CD5L: variants seen among roughly 807,000 people sequenced by gnomAD.
CD5L encodes CD5 molecule like, also known as CD5 antigen-like.
CD5L carries 39 observed loss-of-function variants against 40.8 expected under a neutral mutation model. The ratio of observed to expected loss-of-function variants is 0.96; its 90% CI spans 0.74 to 1.25. CD5L has a LOEUF of 1.25. Among genes scored for constraint, CD5L ranks in the 50% most tolerant of loss-of-function variants. The pLI, the probability that CD5L is intolerant of heterozygous loss-of-function variation, is 0.00. For missense variants in CD5L, 433 were observed against 435.9 expected (o/e 0.99, Z 0.06); for synonymous variants, 192 against 169.6 (o/e 1.13, Z -1.03).
chr1:157,832,039 C>A, intron 5 of CD5L, 71 bp from the exon 6 acceptor site: 1 of 1,222,336 alleles, frequency 8.2e-7, no homozygotes, highest in East Asian at 2.4e-5. Context: ...TTGAAACTCA[C>A]ATTAGCTAAG....
intron 2 of CD5L, among the ~76,000 whole-genome samples, chr1:157,837,580 A>G (rs144981632): frequency 6.6e-6 from 1 of 152,244 alleles, no homozygotes; most frequent in Non-Finnish European, 1.5e-5. Context: ...TCTATGGCCT[A>G]TTGGAAGATG....
In CD5L at chr1:157,834,308, C is replaced by T. The variant is rs1656130676; in HGVS notation, c.718+99G>A. The T allele has an allele frequency of 3.0e-6, 3 of 986,780 alleles. No individual in the cohort carries two copies. The South Asian group carries it at 5.1e-5, about 17-fold the overall frequency. 61.1% of individuals were successfully genotyped at this position (986,780 alleles called of 1,614,324 possible). A position where few individuals can be genotyped will look rare whatever the true frequency, so the allele number is the denominator to read the frequency against. On this transcript the variant is annotated intron_variant, in intron 4 of 5. Coordinates refer to ENST00000368174, the MANE Select transcript of CD5L (RefSeq NM_005894.3). Reference sequence around the variant, plus strand: ...CCCAGTTAAATAAGTTTGCAATGGTCCTTTGGTGCGTTAGTAGCTCTTTGT... The same window carrying T: ...CCCAGTTAAATAAGTTTGCAATGGTTCTTTGGTGCGTTAGTAGCTCTTTGT...
At chr1:157,835,694 A>G in intron 3 of CD5L, 141 bp downstream of exon 3, 1 of 681,388 alleles carries the variant, frequency 1.5e-6, no homozygotes. Flanking sequence ...CAGCACTGAC[A>G]GTTGGGAAAG....
rs1199729857 is a variant in CD5L, at chr1:157,841,643, A to C, written c.28+31T>G. The C allele has an allele frequency of 9.3e-6, 15 of 1,606,458 alleles. No individual in the cohort carries two copies. The African/African-American group carries it at 1.1e-4, about 11-fold the overall frequency. On this transcript the variant is annotated intron_variant, in intron 1 of 5. Coordinates refer to ENST00000368174, the MANE Select transcript of CD5L (RefSeq NM_005894.3). ...TAATCAAAGTGCCAGAAAACTCTGA[A>C]GCCTAAACCAACAGGTGCAGAGATA...
Position 157,841,800 on chromosome 1 carries a change from G to A in CD5L, c.-99C>T, listed in dbSNP as rs931769347. ...TAGCTGCAAGTATGTTAAGAGGAGG[G>A]ACAAAGACAGGTCCTGAGTGCAGGC... On this transcript the variant is annotated 5_prime_UTR_variant, in exon 1 of 6. Transcript: ENST00000368174. 4.1e-6 allele frequency: 4 copies of A among 981,792 alleles called. No individual in the cohort carries two copies. Among genetic ancestry groups the A allele is most frequent in the South Asian group, 2.8e-5 (2 of 71,216 alleles). The allele number at this position is 981,792 out of a possible 1,614,324, so 60.8% of individuals were successfully genotyped here.
chr1:157,835,238 G>A (rs1432455272), intron 3 of CD5L, among the ~76,000 whole-genome samples: 1 of 152,176 alleles, frequency 6.6e-6, no homozygotes, highest in Non-Finnish European at 1.5e-5. Flanking sequence ...ACAAAGAGGA[G>A]CCATGGACTA....
At chr1:157,840,260 G>C (rs1375990303) in intron 1 of CD5L, among the ~76,000 whole-genome samples, 2 of 152,048 alleles carry the variant, frequency 1.3e-5, no homozygotes, top group Admixed American at 6.5e-5. Context: ...CTTCCTGCAG[G>C]ATCTCTGTAT....
intron 3 of CD5L, 109 bp downstream of exon 3, chr1:157,835,726 G>T: frequency 1.2e-6 from 1 of 853,428 alleles, no homozygotes; most frequent in Non-Finnish European, 1.9e-6. Flanking sequence ...GGGGGTGAGG[G>T]GCCAATTAGC....
In CD5L at chr1:157,833,481, G is replaced by A. The variant is rs778902834; in HGVS notation, c.750C>T (p.Asp250=). 6.2e-7 allele frequency: 1 copy of A among 1,613,856 alleles called. No individual in the cohort carries two copies. The highest frequency in any genetic ancestry group is 1.1e-5 in the South Asian group (1 of 91,066). ...CCTCCAGTCGCCCAGAGCAGAGGTT[G>A]TCTCCTCCTACTAGTCTCAAGTCAA... The part of the protein sequence containing the change: ...DPFDLRLVGG[D]NLCSGRLEVL... The change falls in exon 5 of 6, where the codon GAC becomes GAT. Residue 250 remains aspartate (D), a synonymous_variant. Coordinates refer to ENST00000368174, the MANE Select transcript of CD5L (RefSeq NM_005894.3).
rs148584519 is a variant in CD5L, at chr1:157,831,598, T to C, written c.*366A>G. ...GTAATAGGACCTAGATTAGTAATGT[T>C]TGCAGACATAGACCTTAGTAATGGT... On this transcript the variant is annotated 3_prime_UTR_variant, in exon 6 of 6. Coordinates refer to ENST00000368174, the MANE Select transcript of CD5L (RefSeq NM_005894.3). The C allele has an allele frequency of 9.4e-7, 1 of 1,065,814 alleles. No homozygotes were observed. Among genetic ancestry groups the C allele is most frequent in the African/African-American group, 1.7e-5 (1 of 60,368 alleles). The allele number at this position is 1,065,814 out of a possible 1,614,324, so 66.0% of individuals were successfully genotyped here.
In CD5L at chr1:157,833,445, C is replaced by T. The variant is rs755366395; in HGVS notation, c.786G>A (p.Lys262=). ...LCSGRLEVLH[K]GVWGSVCDDN... ...CATCACAGACAGAGCCCCATACGCC[C>T]TTGTGCAGCACCTCCAGTCGCCCAG... The change falls in exon 5 of 6, where the codon AAG becomes AAA. Residue 262 remains lysine, a synonymous_variant. Coordinates refer to ENST00000368174, the MANE Select transcript of CD5L (RefSeq NM_005894.3). 1 of 1,614,180 alleles carries T rather than the reference C, an allele frequency of 6.2e-7. No homozygotes were observed. The highest frequency in any genetic ancestry group is 2.2e-5 in the East Asian group (1 of 44,874).
Position 157,833,378 on chromosome 1 carries a change from G to A in CD5L, c.853C>T (p.Leu285=). ...GGAGAGAGGGACTTCCCACAGCCCAGTTGCTTGCATACCACCTGGTCCTCC... is the reference window on the plus strand; with the variant it reads ...GGAGAGAGGGACTTCCCACAGCCCAATTGCTTGCATACCACCTGGTCCTCC... ...EKEDQVVCKQ[L]GCGKSLSPSF... Residue 285 remains leucine, a synonymous_variant, in exon 5 of 6, where the codon CTG becomes TTG. Transcript: ENST00000368174. The A allele has an allele frequency of 6.2e-7, 1 of 1,614,140 alleles. No homozygotes were observed. The highest frequency in any genetic ancestry group is 8.5e-7 in the Non-Finnish European group (1 of 1,180,024).
chr1:157,831,818 T>A lies in CD5L; in HGVS notation c.*146A>T. The A allele has an allele frequency of 5.8e-6, 8 of 1,384,896 alleles. No homozygotes were observed. The highest frequency in any genetic ancestry group is 7.5e-6 in the Non-Finnish European group (8 of 1,065,886). 85.8% of individuals were successfully genotyped at this position (1,384,896 alleles called of 1,614,324 possible). A position where few individuals can be genotyped will look rare whatever the true frequency, so the allele number is the denominator to read the frequency against. ...GCTGCTTGTCCCTGAGAGTAAGGCA[T>A]AAGCCCAGTGTTCAGACTCCTGAGG... On this transcript the variant is annotated 3_prime_UTR_variant, in exon 6 of 6. Coordinates refer to ENST00000368174, the MANE Select transcript of CD5L (RefSeq NM_005894.3).
At chr1:157,834,025 T>A (rs1007317082) in intron 4 of CD5L, among the ~76,000 whole-genome samples, 1 of 152,140 alleles carries the variant, frequency 6.6e-6, no homozygotes, top group South Asian at 2.1e-4. Context: ...ACCTCTGTTG[T>A]CCAGGTCGAC....
In CD5L at chr1:157,831,822, C is replaced by T. The variant is rs1656056573; in HGVS notation, c.*142G>A. ...CTTGTCCCTGAGAGTAAGGCATAAG[C>T]CCAGTGTTCAGACTCCTGAGGGGAT... On this transcript the variant is annotated 3_prime_UTR_variant, in exon 6 of 6. Transcript: ENST00000368174. The T allele has an allele frequency of 2.1e-6, 3 of 1,396,730 alleles. No homozygotes were observed. In the East Asian group the frequency reaches 7.9e-5, roughly 37 times the overall value. The allele number at this position is 1,396,730 out of a possible 1,614,324, so 86.5% of individuals were successfully genotyped here.
chr1:157,827,137 T>C (rs1655920381), downstream of CD5L, among the ~76,000 whole-genome samples: 1 of 152,312 alleles, frequency 6.6e-6, no homozygotes, highest in East Asian at 1.9e-4. Flanking sequence ...AATTAGATTA[T>C]AGAGCCAATT....
At chr1:157,835,184 A>G (rs951520945) in intron 3 of CD5L, among the ~76,000 whole-genome samples, 1 of 152,236 alleles carries the variant, frequency 6.6e-6, no homozygotes, top group Non-Finnish European at 1.5e-5. Flanking sequence ...TTCAATGTCA[A>G]GGCAAAAAGT....
intron 2 of CD5L, among the ~76,000 whole-genome samples, 178 bp from the exon 3 acceptor site, chr1:157,836,333 T>G (rs1482868945): frequency 6.6e-6 from 1 of 152,128 alleles, no homozygotes; most frequent in South Asian, 2.1e-4. Flanking sequence ...CGTGTCTGAG[T>G]TCTGGTTCTG....
chr1:157,835,955 C>T lies in CD5L; in HGVS notation c.256G>A (p.Glu86Lys), dbSNP rs1209376703. ...GILYEPPAEKEQKVLIQSVSC... is the reference protein window; with the variant it reads ...GILYEPPAEKKQKVLIQSVSC... ...ACTGATTGGATGAGGACCTTTTGCT[C>T]TTTTTCTGCTGGTGGCTCATACAAA... is the stretch of plus-strand genomic sequence containing the variant. The change falls in exon 3 of 6, where the codon GAG becomes AAG. Residue 86 changes from glutamate (E) to lysine (K), a missense_variant. Coordinates refer to ENST00000368174, the MANE Select transcript of CD5L (RefSeq NM_005894.3). The T allele has an allele frequency of 1.2e-6, 2 of 1,614,218 alleles. No homozygotes were observed. The highest frequency in any genetic ancestry group is 1.7e-6 in the Non-Finnish European group (2 of 1,180,040).
Sources: allele counts gnomAD v4.1 joint callset (sites outside exome capture counted in the v4.1 genomes callset), GRCh38; gene constraint gnomAD v4.1.1; transcripts MANE v1.5; gene names NCBI Gene and HGNC (gene_info 2026-07-23, HGNC 2026-07-21).